The following OLFM1 variants were observed in gnomAD, a reference collection of about 807,000 sequenced individuals.
OLFM1 encodes the protein noelin.
OLFM1 carries 9 observed loss-of-function variants against 49.7 expected under a neutral mutation model. The ratio of observed to expected loss-of-function variants is 0.18; its 90% confidence interval spans 0.11 to 0.32. OLFM1 has a LOEUF of 0.32. Among genes scored for constraint, OLFM1 ranks in the 10% least tolerant of loss-of-function variants. The probability of loss-of-function intolerance (pLI) is 1.00; values close to 1 mark genes in which losing one functional copy is unlikely to be tolerated. For synonymous variants in OLFM1, 240 were observed against 271.8 expected, an observed-to-expected ratio of 0.88 and a Z score of 1.15; for missense variants, 369 against 661.8, an observed-to-expected ratio of 0.56 and a Z score of 4.85.
upstream of OLFM1, among the ~76,000 whole-genome samples, chr9:135,085,483 T>C (rs1161315155): frequency 6.6e-6 from 1 of 152,252 alleles, no homozygotes; most frequent in Admixed American, 6.5e-5. Flanking sequence ...TCCTCATCTA[T>C]ACAGTGGAGT....
chr9:135,098,323 T>C lies in OLFM1; in HGVS notation c.494T>C (p.Ile165Thr), dbSNP rs1224156595. 1.2e-6 allele frequency: 2 copies of C among 1,613,890 alleles called. No homozygotes were observed. The highest frequency in any genetic ancestry group is 4.5e-5 in the East Asian group (2 of 44,880). ...KAKMDELRPL[I>T]PVLEEYKADA... ...AAAATGGATGAACTTAGGCCTTTGA[T>C]ACCTGTGTTGGAAGAGTACAAGGCC... is the stretch of plus-strand genomic sequence containing the variant. Residue 165 changes from isoleucine to threonine, a missense_variant, in exon 4 of 6, where the codon ATA (isoleucine) becomes ACA (threonine). By Grantham distance (89) the Ile-to-Thr change is moderately conservative (BLOSUM62 -1). Transcript: ENST00000371793. The surrounding 1 kb of genome is among the most constrained non-coding windows in gnomAD (Gnocchi z 5.6).
chr9:135,095,156 A>C (rs543311728), intron 2 of OLFM1: 2 of 152,352 alleles, frequency 1.3e-5, no homozygotes, highest in South Asian at 2.1e-4. Context: ...CTGCCTGTAA[A>C]GATGTAAAAC....
At chr9:135,085,348 G>A (rs1381185689), upstream of OLFM1, among the ~76,000 whole-genome samples, 2 of 152,262 alleles carry the variant, frequency 1.3e-5, no homozygotes, top group Non-Finnish European at 2.9e-5. Flanking sequence ...TGGGGCTCGT[G>A]AGATTTAACT....
chr9:135,120,182 C>T lies in OLFM1; in HGVS notation c.*4C>T. 4.4e-6 allele frequency: 7 copies of T among 1,601,012 alleles called. No homozygotes were observed. The highest frequency in any genetic ancestry group is 3.3e-4 in the Middle Eastern group (2 of 5,974). On this transcript the variant is annotated 3_prime_UTR_variant, in exon 6 of 6. Coordinates refer to ENST00000371793, the MANE Select transcript of OLFM1 (RefSeq NM_001282611.2). ...CATCCGCTCCGACGAGTTGTAGCTC[C>T]CTCCTCCTGGAAGCCAAGGGCCCAC...
intron 1 of OLFM1, chr9:135,077,284 T>A: frequency 6.9e-7 from 1 of 1,445,984 alleles, no homozygotes; most frequent in Non-Finnish European, 9.1e-7. Flanking sequence ...GGCAAAGAGA[T>A]GGCTGATTCT....
At position 135,098,553 on chromosome 9, in the gene OLFM1, G is replaced by T; in HGVS notation, c.676+48G>T. The T allele has an allele frequency of 6.6e-7, 1 of 1,523,276 alleles. No individual in the cohort carries two copies. Among genetic ancestry groups the T allele is most frequent in the African/African-American group, 1.4e-5 (1 of 73,112 alleles). 94.4% of individuals were successfully genotyped at this position (1,523,276 alleles called of 1,614,324 possible). Reference sequence around the variant, plus strand: ...CGTGGCGCTGCACTGCCCACCTCCGGCACACGCACAGGCTTAGGGAGTGGT... The same window carrying T: ...CGTGGCGCTGCACTGCCCACCTCCGTCACACGCACAGGCTTAGGGAGTGGT... On this transcript the variant is annotated intron_variant, in intron 4 of 5. Coordinates refer to ENST00000371793, the MANE Select transcript of OLFM1 (RefSeq NM_001282611.2). This position sits in a 1 kb window ranked among gnomAD's most constrained non-coding sequence, Gnocchi z 5.6.
chr9:135,094,997 C>G (rs535576161), intron 2 of OLFM1: 1 of 152,354 alleles, frequency 6.6e-6, no homozygotes, highest in African/African-American at 2.4e-5. Context: ...CTCCCCGCAG[C>G]CCCGAATGCA....
At chr9:135,091,207 C>T (rs1830680977) in intron 2 of OLFM1, among the ~76,000 whole-genome samples, 1 of 152,226 alleles carries the variant, frequency 6.6e-6, no homozygotes, top group Admixed American at 6.5e-5. Context: ...CACAGCCCAC[C>T]AGCCTTTTGG....
At chr9:135,097,662 C>G in intron 3 of OLFM1, 1 of 839,484 alleles carries the variant, frequency 1.2e-6, no homozygotes, top group Non-Finnish European at 2.1e-6. Flanking sequence ...TTGACTAACT[C>G]GAGCATTACA....
At chr9:135,101,888 T>G (rs1397710543) in intron 4 of OLFM1, among the ~76,000 whole-genome samples, 2 of 152,242 alleles carry the variant, frequency 1.3e-5, no homozygotes, top group African/African-American at 4.8e-5. Context: ...GCCAGCTGAT[T>G]TGAAGGGCTC....
In OLFM1 at chr9:135,095,918, T is replaced by C. The variant is rs1273164615; in HGVS notation, c.355T>C (p.Leu119=). 9 of 1,613,042 alleles carry C rather than the reference T, an allele frequency of 5.6e-6. No individual in the cohort carries two copies. The East Asian group carries it at 1.3e-4, about 24-fold the overall frequency. The change falls in exon 3 of 6, where the codon TTG becomes CTG. Residue 119 remains leucine (L), a synonymous_variant. Transcript: ENST00000371793. ...CTTGGACAGGCGGACCCAGAGAGAC[T>C]TGCAGTACGTGGAGAAGATGGAGAA... ...EVLDRRTQRD[L]QYVEKMENQM...
upstream of OLFM1, among the ~76,000 whole-genome samples, chr9:135,085,012 C>T (rs1830579772): frequency 6.6e-6 from 1 of 152,220 alleles, no homozygotes. Flanking sequence ...AGCACCCTCT[C>T]ACACTTGCGT....
Position 135,088,178 on chromosome 9 carries a change from T to TCCTCCTCCTCCTCCC in OLFM1, c.150+47_150+61dup, listed in dbSNP as rs1830626860. 6 of 1,270,718 alleles carry TCCTCCTCCTCCTCCC rather than the reference T, an allele frequency of 4.7e-6. No individual in the cohort carries two copies. Among genetic ancestry groups the TCCTCCTCCTCCTCCC allele is most frequent in the Non-Finnish European group, 5.0e-6 (5 of 999,434 alleles). The allele number at this position is 1,270,718 out of a possible 1,614,324, so 78.7% of individuals were successfully genotyped here. A position where few individuals can be genotyped will look rare whatever the true frequency, so the allele number is the denominator to read the frequency against. ...CCGGCCGCCTTGGCGCGGCTCCTCC[T>TCCTCCTCCTCCTCCC]CCTCCTCCTCCTCCCCCTCCTCGGT... On this transcript the variant is annotated intron_variant, in intron 1 of 5. Transcript: ENST00000371793. This position sits in a 1 kb window ranked among gnomAD's most constrained non-coding sequence, Gnocchi z 4.8.
At position 135,117,318 on chromosome 9, in the gene OLFM1, G is replaced by A. The variant is rs1053648418; in HGVS notation, c.784-2186G>A. Among the ~76,000 whole-genome samples, 4 of 152,144 alleles carry A rather than the reference G, an allele frequency of 2.6e-5. No individual in the cohort carries two copies. The highest frequency in any genetic ancestry group is 4.8e-5 in the African/African-American group (2 of 41,420). On this transcript the variant is annotated intron_variant, in intron 5 of 5. Transcript: ENST00000371793. This position sits in a 1 kb window ranked among gnomAD's most constrained non-coding sequence, Gnocchi z 5.5. ...CTTCTTCAAAGCCCATATTCTTCTC[G>A]GAGAGGCACTTTTGCTGGATTAGGG... is the stretch of plus-strand genomic sequence containing the variant.
chr9:135,119,161 T>C (rs183408866), intron 5 of OLFM1, among the ~76,000 whole-genome samples: 220 of 150,798 alleles, frequency 1.5e-3, no homozygotes, highest in African/African-American at 5.1e-3. Flanking sequence ...GCTCACCGAG[T>C]CTTTGGAGTA....
chr9:135,087,654 C>A (rs1830616392), upstream of OLFM1: 3 of 527,800 alleles, frequency 5.7e-6, no homozygotes, highest in Non-Finnish European at 8.3e-6. Flanking sequence ...CCGCGCGCAG[C>A]CCGCGCAGCG....
chr9:135,084,204 A>C (rs1382088085), upstream of OLFM1, among the ~76,000 whole-genome samples: 1 of 152,224 alleles, frequency 6.6e-6, no homozygotes, highest in African/African-American at 2.4e-5. This position sits in a 1 kb window ranked among gnomAD's most constrained non-coding sequence, Gnocchi z 4.6. Context: ...ATGTTCCAGC[A>C]CAGAAAGGGA....
At chr9:135,104,516 C>CA (rs1830912612) in intron 4 of OLFM1, among the ~76,000 whole-genome samples, 1 of 152,208 alleles carries the variant, frequency 6.6e-6, no homozygotes, top group African/African-American at 2.4e-5. Flanking sequence ...CTGAAGTGGC[C>CA]AGAGCCCGTG....
chr9:135,076,149 G>A, intron 1 of OLFM1: 1 of 1,550,032 alleles, frequency 6.5e-7, no homozygotes, highest in Non-Finnish European at 8.7e-7. Context: ...GGAAGAGTGA[G>A]AGCCGGATAG....
Sources: allele counts gnomAD v4.1 joint callset (sites outside exome capture counted in the v4.1 genomes callset), GRCh38; gene constraint gnomAD v4.1.1; non-coding constraint Gnocchi (gnomAD v3.1); transcripts MANE v1.5; gene names NCBI Gene and HGNC (gene_info 2026-07-23, HGNC 2026-07-21).